The following DNMT3L variants were observed in gnomAD, a reference collection of about 807,000 sequenced individuals.
DNMT3L encodes the protein DNA methyltransferase 3 like, also known as DNA (cytosine-5)-methyltransferase 3-like.
A neutral mutation model predicts 36.2 loss-of-function variants in DNMT3L; 33 were observed. That is an observed-to-expected ratio of 0.91 (90% CI 0.69 to 1.22). The LOEUF (loss-of-function observed/expected upper bound fraction) is 1.22. DNMT3L is among the 50% of genes most tolerant of loss of function. DNMT3L has a pLI of 0.00. For missense variants in DNMT3L, 310 were observed against 303.1 expected (o/e 1.02, Z -0.17); for synonymous variants, 117 against 121.7 (o/e 0.96, Z 0.26).
chr21:44,259,413 C>A (rs372124392), intron 5 of DNMT3L, 24 bp downstream of exon 5: 5 of 1,612,240 alleles, frequency 3.1e-6, no homozygotes, highest in Non-Finnish European at 4.2e-6. Context: ...CCCTTCACCC[C>A]CCTGGGCAGG....
chr21:44,260,422 C>T (rs1421869336), intron 3 of DNMT3L, among the ~76,000 whole-genome samples: 1 of 152,074 alleles, frequency 6.6e-6, no homozygotes, highest in South Asian at 2.1e-4. Context: ...GCTACAGGGG[C>T]CTTGGGAGGG....
intron 7 of DNMT3L, among the ~76,000 whole-genome samples, chr21:44,254,951 G>C (rs1039586902): frequency 6.6e-6 from 1 of 152,046 alleles, no homozygotes; most frequent in African/African-American, 2.4e-5. Context: ...TCAACCTCCC[G>C]AGTAGCTGGG....
chr21:44,254,276 T>G (rs2040240315), intron 8 of DNMT3L, among the ~76,000 whole-genome samples: 1 of 152,192 alleles, frequency 6.6e-6, no homozygotes, highest in Non-Finnish European at 1.5e-5. Flanking sequence ...TCACAGGCAG[T>G]GGAATTTGGC....
intron 8 of DNMT3L, 73 bp downstream of exon 8, chr21:44,254,544 C>G (rs2040242467): frequency 1.3e-6 from 2 of 1,548,544 alleles, no homozygotes; most frequent in Non-Finnish European, 1.8e-6. Context: ...CCGCCTCATC[C>G]TTGGCATTTC....
chr21:44,256,945 T>C (rs779032659), intron 6 of DNMT3L, among the ~76,000 whole-genome samples: 6 of 152,108 alleles, frequency 3.9e-5, no homozygotes, highest in Non-Finnish European at 7.3e-5. Flanking sequence ...GAGAGATGAC[T>C]TCGTTCAACC....
At chr21:44,261,128 G>T (rs372284198) in intron 2 of DNMT3L, 26 bp downstream of exon 2, 19 of 1,609,194 alleles carry the variant, frequency 1.2e-5, no homozygotes, top group Admixed American at 5.0e-5. Flanking sequence ...CTAAGTGACT[G>T]GTCCAATAAG....
In DNMT3L at chr21:44,259,020, C is replaced by G. The variant is rs2040290288; in HGVS notation, c.345-326G>C. ...CCAGCAAAACCAAATGTAGCAACAG[C>G]AGCTGGGGGAGAGAACTTGAGGAGT... On this transcript the variant is annotated intron_variant, in intron 5 of 11. Transcript: ENST00000628202. Among the ~76,000 whole-genome samples, 3 of 152,100 alleles carry G rather than the reference C, an allele frequency of 2.0e-5. No individual in the cohort carries two copies. The South Asian group carries it at 6.2e-4, about 32-fold the overall frequency.
chr21:44,258,519 T>C lies in DNMT3L; in HGVS notation c.516+4A>G. ...CGGGTGCTGCCCCTCCACGGGCTCC[T>C]TACCGACTCTCGGTCGTAGAAGGCC... On this transcript the variant is annotated splice_donor_region_variant and intron_variant, in intron 6 of 11. Coordinates refer to ENST00000628202, the MANE Select transcript of DNMT3L (RefSeq NM_175867.3). The surrounding 1 kb of genome is among the most constrained non-coding windows in gnomAD (Gnocchi z 6.2). 6.4e-7 allele frequency: 1 copy of C among 1,556,768 alleles called. No homozygotes were observed. The highest frequency in any genetic ancestry group is 8.7e-7 in the Non-Finnish European group (1 of 1,149,602).
chr21:44,259,008 A>C (rs2146358736), intron 5 of DNMT3L, among the ~76,000 whole-genome samples: 1 of 152,250 alleles, frequency 6.6e-6, no homozygotes. Context: ...GCAAAACCAA[A>C]TGTAGCAACA....
intron 3 of DNMT3L, among the ~76,000 whole-genome samples, chr21:44,260,069 A>AAAG (rs1439591327): frequency 1.6e-4 from 24 of 151,338 alleles, no homozygotes; most frequent in African/African-American, 5.1e-4. Flanking sequence ...AAAAAAAAAA[A>AAAG]AAGAAGAAGA....
At position 44,259,469 on chromosome 21, in the gene DNMT3L, C is replaced by T. The variant is rs754467975; in HGVS notation, c.312G>A (p.Thr104=). 10 of 1,613,644 alleles carry T rather than the reference C, an allele frequency of 6.2e-6. No individual in the cohort carries two copies. The highest frequency in any genetic ancestry group is 1.7e-5 in the Admixed American group (1 of 60,024). The change falls in exon 5 of 12, where the codon ACG becomes ACA. Residue 104 remains threonine, a synonymous_variant. Transcript: ENST00000628202. ...AATCAGGGTTTCCGCAGATGAGCAGCGTCTCTCCGGAGCAGCAGATGGAGC... is the reference window on the plus strand; with the variant it reads ...AATCAGGGTTTCCGCAGATGAGCAGTGTCTCTCCGGAGCAGCAGATGGAGC... The part of the protein sequence containing the change: ...SYCSICCSGE[T]LLICGNPDCT...
chr21:44,254,491 G>T, intron 8 of DNMT3L, 126 bp downstream of exon 8: 3 of 1,019,928 alleles, frequency 2.9e-6, no homozygotes, highest in Non-Finnish European at 1.4e-6. Flanking sequence ...AGAGGCCCCC[G>T]TGTGTTCAGG....
chr21:44,255,156 G>T (rs539294278), intron 7 of DNMT3L, among the ~76,000 whole-genome samples: 3 of 152,176 alleles, frequency 2.0e-5, no homozygotes, highest in Non-Finnish European at 4.4e-5. Flanking sequence ...GACGTGGCAG[G>T]AGGATTAAGG....
chr21:44,258,609 G>A lies in DNMT3L; in HGVS notation c.430C>T (p.Leu144=). The A allele has an allele frequency of 6.2e-7, 1 of 1,612,408 alleles. No homozygotes were observed. Among genetic ancestry groups the A allele is most frequent in the Non-Finnish European group, 8.5e-7 (1 of 1,179,832 alleles). The part of the protein sequence containing the change: ...VHAMSNWVCY[L]CLPSSRSGLL... ...CCGCTTCGGGAGGACGGCAGGCACA[G>A]GTAGCACACCCAGTTGCTCATGGCG... The change falls in exon 6 of 12, where the codon CTG becomes TTG. Residue 144 remains leucine (L), a synonymous_variant. Coordinates refer to ENST00000628202, the MANE Select transcript of DNMT3L (RefSeq NM_175867.3). The surrounding 1 kb of genome is among the most constrained non-coding windows in gnomAD (Gnocchi z 6.2).
At chr21:44,257,698 AAAT>A (rs199954015) in intron 6 of DNMT3L, among the ~76,000 whole-genome samples, 879 of 39,518 alleles carry the variant, frequency 0.022, 28 homozygotes, top group African/African-American at 0.092. Flanking sequence ...AAAAAAAAAT[AAAT>A]AAATAAATAA....
At chr21:44,257,680 C>CAAAAAAAAAAA (rs60313825) in intron 6 of DNMT3L, among the ~76,000 whole-genome samples, 1 of 120,426 alleles carries the variant, frequency 8.3e-6, no homozygotes, top group Non-Finnish European at 1.8e-5. Flanking sequence ...GACTCCGTCT[C>CAAAAAAAAAAA]AAAAAAAAAA....
At chr21:44,260,069 A>AAG (rs2040303358) in intron 3 of DNMT3L, among the ~76,000 whole-genome samples, 5 of 151,344 alleles carry the variant, frequency 3.3e-5, no homozygotes, top group African/African-American at 9.7e-5. Context: ...AAAAAAAAAA[A>AAG]AAGAAGAAGA....
At chr21:44,260,048 C>CAAAAAAAAA (rs765722839) in intron 3 of DNMT3L, among the ~76,000 whole-genome samples, 3 of 63,482 alleles carry the variant, frequency 4.7e-5, no homozygotes, top group African/African-American at 1.1e-4. Flanking sequence ...GAGTGTGTCT[C>CAAAAAAAAA]AAAAAAAAAA....
At position 44,260,756 on chromosome 21, in the gene DNMT3L, T is replaced by G. The variant is rs773947943; in HGVS notation, c.151+39A>C. On this transcript the variant is annotated intron_variant, in intron 3 of 11. Coordinates refer to ENST00000628202, the MANE Select transcript of DNMT3L (RefSeq NM_175867.3). ...TATAGGTGTGAGCCACTGTGCCCCG[T>G]CTCTTTTGTCTGGTGTGGGCCAGTA... 8 of 1,612,824 alleles carry G rather than the reference T, an allele frequency of 5.0e-6. No homozygotes were observed. The Admixed American group carries it at 1.2e-4, about 24-fold the overall frequency.
Sources: allele counts gnomAD v4.1 joint callset (sites outside exome capture counted in the v4.1 genomes callset), GRCh38; gene constraint gnomAD v4.1.1; non-coding constraint Gnocchi (gnomAD v3.1); transcripts MANE v1.5; gene names NCBI Gene and HGNC (gene_info 2026-07-23, HGNC 2026-07-21).